RIPOR1: variants seen among roughly 807,000 people sequenced by gnomAD.
The protein encoded by RIPOR1 is RHO family interacting cell polarization regulator 1.
RIPOR1 carries 58 observed loss-of-function variants against 116.5 expected under a neutral mutation model. The ratio of observed to expected loss-of-function variants is 0.50; its 90% CI spans 0.40 to 0.62. The LOEUF (loss-of-function observed/expected upper bound fraction) is 0.62. Ranked by LOEUF, RIPOR1 falls within the 20% of genes least tolerant of loss-of-function variation. The pLI is 0.00. For missense variants in RIPOR1, 1,372 were observed against 1,586.2 expected, an observed-to-expected ratio of 0.86 and a Z score of 2.29; for synonymous variants, 605 against 650.0, an observed-to-expected ratio of 0.93 and a Z score of 1.05.
At chr16:67,533,763 A>T (rs2050721150) in intron 1 of RIPOR1, among the ~76,000 whole-genome samples, 1 of 151,040 alleles carries the variant, frequency 6.6e-6, no homozygotes, top group Non-Finnish European at 1.5e-5. Context: ...ATGGAGTAAG[A>T]AATGGGGTAG....
chr16:67,545,412 A>G lies in RIPOR1; in HGVS notation c.3068A>G (p.Lys1023Arg). 2 of 1,613,998 alleles carry G rather than the reference A, an allele frequency of 1.2e-6. No individual in the cohort carries two copies. The highest frequency in any genetic ancestry group is 1.1e-5 in the South Asian group (1 of 91,080). ...VKFLEDALGQKLPRRPQPGPG... is the reference protein window; with the variant it reads ...VKFLEDALGQRLPRRPQPGPG... ...TTCCTGGAGGATGCCCTGGGGCAGA[A>G]GCTGCCCAGAAGGCCCCAGCCAGGG... is the stretch of plus-strand genomic sequence containing the variant. The change falls in exon 18 of 22, where the codon AAG (lysine) becomes AGG (arginine). Residue 1023 changes from lysine (K) to arginine (R), a missense_variant. Lys to Arg is a conservative substitution (Grantham distance 26, BLOSUM62 2). This residue lies in a region of RIPOR1 where 1,005 missense variants were observed against 1,144.7 expected (regional missense o/e 0.88). Coordinates refer to ENST00000042381, the MANE Select transcript of RIPOR1 (RefSeq NM_024519.4). This position sits in a 1 kb window ranked among gnomAD's most constrained non-coding sequence, Gnocchi z 4.8.
At chr16:67,522,932 G>A (rs2050507222) in intron 1 of RIPOR1, among the ~76,000 whole-genome samples, 2 of 152,220 alleles carry the variant, frequency 1.3e-5, no homozygotes, top group Non-Finnish European at 2.9e-5. Flanking sequence ...CCAACCTGAC[G>A]AAAGCAGCCC....
Position 67,537,504 on chromosome 16 carries a change from C to T in RIPOR1, c.-23-920C>T, listed in dbSNP as rs1290136194. 1 of 1,273,190 alleles carries T rather than the reference C, an allele frequency of 7.9e-7. No individual in the cohort carries two copies. The allele number at this position is 1,273,190 out of a possible 1,614,324, so 78.9% of individuals were successfully genotyped here. ...GCTGGGAGCGAGCCCGGAGCCCAGCCGGGCGGCTCGAAGTGGCCAGGGCCG... is the reference window on the plus strand; with the variant it reads ...GCTGGGAGCGAGCCCGGAGCCCAGCTGGGCGGCTCGAAGTGGCCAGGGCCG... On this transcript the variant is annotated intron_variant, in intron 1 of 21. Transcript: ENST00000042381. This position sits in a 1 kb window ranked among gnomAD's most constrained non-coding sequence, Gnocchi z 4.6.
At position 67,545,382 on chromosome 16, in the gene RIPOR1, T is replaced by C; in HGVS notation, c.3038T>C (p.Val1013Ala). 1 of 1,613,866 alleles carries C rather than the reference T, an allele frequency of 6.2e-7. No individual in the cohort carries two copies. Among genetic ancestry groups the C allele is most frequent in the Non-Finnish European group, 8.5e-7 (1 of 1,179,932 alleles). The stretch of plus-strand genomic sequence containing the variant: ...ATGCTACTGCCTCCTGCAGTGTGTG[T>C]GAAGTTCCTGGAGGATGCCCTGGGG... ...RQPGLAEAVCVKFLEDALGQK... is the reference protein window; with the variant it reads ...RQPGLAEAVCAKFLEDALGQK... The change falls in exon 18 of 22, where the codon GTG (valine) becomes GCG (alanine). Residue 1013 changes from valine to alanine, a missense_variant. By Grantham distance (64) the Val-to-Ala change is moderately conservative (BLOSUM62 0). Around this residue, in one of 3 missense-constraint regions of RIPOR1, gnomAD observed 1,005 missense variants for 1,144.7 expected, o/e 0.88. Coordinates refer to ENST00000042381, the MANE Select transcript of RIPOR1 (RefSeq NM_024519.4). This position sits in a 1 kb window ranked among gnomAD's most constrained non-coding sequence, Gnocchi z 4.8.
intron 1 of RIPOR1, among the ~76,000 whole-genome samples, chr16:67,520,397 A>C (rs1277515091): frequency 7.0e-6 from 1 of 143,240 alleles, no homozygotes; most frequent in Non-Finnish European, 1.5e-5. Context: ...AAAGAAAAGA[A>C]AAGGAAGGAA....
At chr16:67,534,399 G>A (rs897548673) in intron 1 of RIPOR1, among the ~76,000 whole-genome samples, 8 of 152,144 alleles carry the variant, frequency 5.3e-5, no homozygotes, top group Admixed American at 3.3e-4. Context: ...GATTACAGGC[G>A]TAAGCCACCG....
chr16:67,527,432 G>A (rs2050551324), upstream of RIPOR1, among the ~76,000 whole-genome samples: 1 of 151,620 alleles, frequency 6.6e-6, no homozygotes, highest in South Asian at 2.1e-4. Context: ...TACAAAGGAA[G>A]CCCAAGAGGA....
At position 67,544,549 on chromosome 16, in the gene RIPOR1, C is replaced by T. The variant is rs2051101832; in HGVS notation, c.2733+118C>T. On this transcript the variant is annotated intron_variant, in intron 15 of 21. Transcript: ENST00000042381. This position sits in a 1 kb window ranked among gnomAD's most constrained non-coding sequence, Gnocchi z 5.1. ...GTGCCACACCCCAGTGCCCCAGGGCCCTTGGCATCTGGCCCTTGCTGAATG... is the reference window on the plus strand; with the variant it reads ...GTGCCACACCCCAGTGCCCCAGGGCTCTTGGCATCTGGCCCTTGCTGAATG... The T allele has an allele frequency of 1.3e-6, 2 of 1,533,514 alleles. No individual in the cohort carries two copies. The highest frequency in any genetic ancestry group is 1.8e-6 in the Non-Finnish European group (2 of 1,131,726). 95.0% of individuals were successfully genotyped at this position (1,533,514 alleles called of 1,614,324 possible). A position where few individuals can be genotyped will look rare whatever the true frequency, so the allele number is the denominator to read the frequency against.
At position 67,530,184 on chromosome 16, in the gene RIPOR1, CGG is replaced by C. The variant is rs1360014881; in HGVS notation, c.-24+1272_-24+1273del. 9.1e-5 allele frequency: 31 copies of C among 341,160 alleles called. 1 individual carries two copies. In the East Asian group the frequency reaches 1.4e-3, roughly 15 times the overall value. 21.1% of individuals were successfully genotyped at this position (341,160 alleles called of 1,614,324 possible). A position where few individuals can be genotyped will look rare whatever the true frequency, so the allele number is the denominator to read the frequency against. On this transcript the variant is annotated intron_variant, in intron 1 of 21. Transcript: ENST00000042381. This position sits in a 1 kb window ranked among gnomAD's most constrained non-coding sequence, Gnocchi z 4.5. ...TTGAGAGAAGCGGGCGGGGAGGGCG[CGG>C]GTGAGTCACGGCGGCCCCTCTGCGT... is the stretch of plus-strand genomic sequence containing the variant.
rs2051034346 is a variant in RIPOR1 at position 67,542,853 on chromosome 16, C to A, written c.2067C>A (p.Ser689Arg). 2.5e-6 allele frequency: 4 copies of A among 1,613,816 alleles called. No individual in the cohort carries two copies. The South Asian group carries it at 3.3e-5, about 13-fold the overall frequency. Residue 689 changes from serine to arginine, a missense_variant, in exon 13 of 22, where the codon AGC (serine) becomes AGA (arginine). Physicochemically the swap from Ser to Arg is moderately radical, Grantham distance 110 (BLOSUM62 -1). Transcript: ENST00000042381. The surrounding 1 kb of genome is among the most constrained non-coding windows in gnomAD (Gnocchi z 4.6). ...STSLELATLSSPSKHSDPTLP... is the reference protein window; with the variant it reads ...STSLELATLSRPSKHSDPTLP... ...CTCTAGAACTTGCTACCCTCTCCAG[C>A]CCCTCCAAACACTCAGACCCCACCC...
rs1277370047 is a variant in RIPOR1, at chr16:67,545,643, C to G, written c.3191-21C>G. On this transcript the variant is annotated intron_variant, in intron 18 of 21. Transcript: ENST00000042381. The surrounding 1 kb of genome is among the most constrained non-coding windows in gnomAD (Gnocchi z 4.8). ...CACCCTGCCACCTTGCCCACCCACC[C>G]ACCATATCCCCTTTTTTCAGTGCTA... 1.3e-6 allele frequency: 2 copies of G among 1,567,992 alleles called. No homozygotes were observed.
In RIPOR1 at chr16:67,540,387, G is replaced by T. The variant is rs1445544084; in HGVS notation, c.631+24G>T. ...AGGTACTGAGTTGTGGGGGCAGGTG[G>T]GGGGCTGGAGGGAGTATGCTGAAGA... is the stretch of plus-strand genomic sequence containing the variant. On this transcript the variant is annotated intron_variant, in intron 8 of 21. Transcript: ENST00000042381. The surrounding 1 kb of genome is among the most constrained non-coding windows in gnomAD (Gnocchi z 4.7). 2 of 1,614,190 alleles carry T rather than the reference G, an allele frequency of 1.2e-6. No homozygotes were observed. Among genetic ancestry groups the T allele is most frequent in the Non-Finnish European group, 1.7e-6 (2 of 1,180,026 alleles).
chr16:67,525,384 T>C (rs1024699383), upstream of RIPOR1, among the ~76,000 whole-genome samples: 10 of 152,142 alleles, frequency 6.6e-5, no homozygotes, highest in Non-Finnish European at 2.9e-5. Flanking sequence ...AAATGCTTGC[T>C]GTATATCTGG....
At chr16:67,528,991 G>T (rs2050581987) in intron 1 of RIPOR1, 77 bp downstream of exon 1, 1 of 169,400 alleles carries the variant, frequency 5.9e-6, no homozygotes, top group South Asian at 9.9e-5. Context: ...CCCCCCGCCG[G>T]CGCCGCCCGG....
rs542023070 is a variant in RIPOR1, at chr16:67,539,985, A to T, written c.415-68A>T. The T allele has an allele frequency of 1.4e-5, 22 of 1,613,614 alleles. No individual in the cohort carries two copies. The East Asian group carries it at 4.9e-4, about 36-fold the overall frequency. On this transcript the variant is annotated intron_variant, in intron 6 of 21. Transcript: ENST00000042381. ...GGTGGTGCCAGGCCCTGGGTGAGCA[A>T]CCTTAGAGGTGAGTAACCCCAGAGG... is the stretch of plus-strand genomic sequence containing the variant.
At position 67,539,426 on chromosome 16, in the gene RIPOR1, G is replaced by A. The variant is rs2050904714; in HGVS notation, c.337-302G>A. 9 of 538,354 alleles carry A rather than the reference G, an allele frequency of 1.7e-5. No individual in the cohort carries two copies. The Admixed American group carries it at 2.9e-4, about 17-fold the overall frequency. 33.3% of individuals were successfully genotyped at this position (538,354 alleles called of 1,614,324 possible). A position where few individuals can be genotyped will look rare whatever the true frequency, so the allele number is the denominator to read the frequency against. On this transcript the variant is annotated intron_variant, in intron 4 of 21. Coordinates refer to ENST00000042381, the MANE Select transcript of RIPOR1 (RefSeq NM_024519.4). The stretch of plus-strand genomic sequence containing the variant: ...GGAACACTTCTGCCGGGGCTTGATG[G>A]GAGTTCCCCTGCAGAGGGAACCTTG...
At position 67,542,007 on chromosome 16, in the gene RIPOR1, C is replaced by T. The variant is rs559502664; in HGVS notation, c.1221C>T (p.Pro407=). 4.8e-5 allele frequency: 78 copies of T among 1,610,128 alleles called. No homozygotes were observed. In the South Asian group the frequency reaches 5.8e-4, roughly 12 times the overall value. ...CCCCTAGGCCCCTGGTGCAGCAGCC[C>T]GAGCCCCTTCCCATCCAAGTTGCCT... ...SPAPRPLVQQ[P]EPLPIQVAFR... is the part of the protein sequence containing the mutation. Residue 407 remains proline, a synonymous_variant, in exon 13 of 22, where the codon CCC becomes CCT. Transcript: ENST00000042381. The surrounding 1 kb of genome is among the most constrained non-coding windows in gnomAD (Gnocchi z 4.6).
intron 1 of RIPOR1, among the ~76,000 whole-genome samples, chr16:67,534,873 C>T (rs555439806): frequency 1.7e-3 from 241 of 142,150 alleles, no homozygotes; most frequent in Non-Finnish European, 2.4e-3. Context: ...GACAGACTCC[C>T]GCTCTGTCAC....
In RIPOR1 at chr16:67,537,718, C is replaced by T; in HGVS notation, c.-23-706C>T. 3.5e-6 allele frequency: 2 copies of T among 571,978 alleles called. No individual in the cohort carries two copies. The highest frequency in any genetic ancestry group is 6.3e-5 in the South Asian group (1 of 15,828). 35.4% of individuals were successfully genotyped at this position (571,978 alleles called of 1,614,324 possible). On this transcript the variant is annotated intron_variant, in intron 1 of 21. Coordinates refer to ENST00000042381, the MANE Select transcript of RIPOR1 (RefSeq NM_024519.4). The surrounding 1 kb of genome is among the most constrained non-coding windows in gnomAD (Gnocchi z 4.6). ...GGTGGGGGTCTGCCGAGGAGCTCTC[C>T]CCGCCGATGCCGGGGTGGAGGCGCA...
Sources: gnomAD v4.1 joint callset for allele counts (sites outside exome capture counted in the v4.1 genomes callset) on GRCh38, gnomAD v4.1.1 for gene constraint, gnomAD v4.1.1 regional missense constraint, Gnocchi (gnomAD v3.1) non-coding constraint, MANE v1.5 for transcripts, NCBI Gene and HGNC (gene_info 2026-07-23, HGNC 2026-07-21) for gene names.